AOPEP: variants seen among roughly 807,000 people sequenced by gnomAD.
AOPEP encodes the protein aminopeptidase O.
AOPEP carries 77 observed loss-of-function variants against 98.1 expected under a neutral mutation model. That is an observed-to-expected ratio of 0.78 (90% confidence interval 0.65 to 0.95). The LOEUF (loss-of-function observed/expected upper bound fraction) is 0.95. AOPEP is among the 40% of genes least tolerant of loss of function. The pLI is 0.00. For missense variants in AOPEP, 1,024 were observed against 1,024.7 expected, an observed-to-expected ratio of 1.00 and a Z score of 0.01; for synonymous variants, 346 against 365.3, an observed-to-expected ratio of 0.95 and a Z score of 0.60.
chr9:94,885,601 G>T (rs2897523), intron 5 of AOPEP, among the ~76,000 whole-genome samples: 1 of 151,762 alleles, frequency 6.6e-6, no homozygotes, highest in African/African-American at 2.4e-5. Context: ...GGGGAAGCTG[G>T]GACATGTAGC....
chr9:94,829,132 G>A (rs1456174296), intron 5 of AOPEP, among the ~76,000 whole-genome samples: 5 of 151,956 alleles, frequency 3.3e-5, no homozygotes, highest in African/African-American at 4.8e-5. Flanking sequence ...GCCTCCCAAA[G>A]TGCTGGAATT....
intron 7 of AOPEP, among the ~76,000 whole-genome samples, chr9:94,952,305 T>C (rs2058156972): frequency 6.6e-6 from 1 of 152,244 alleles, no homozygotes. Flanking sequence ...TACATTAAAG[T>C]GCACAAGTCT....
chr9:94,945,261 C>T (rs1215842698), intron 7 of AOPEP, among the ~76,000 whole-genome samples: 1 of 152,174 alleles, frequency 6.6e-6, no homozygotes, highest in Admixed American at 6.5e-5. Flanking sequence ...AGAATCCTGG[C>T]TAGTGTTCTG....
intron 11 of AOPEP, among the ~76,000 whole-genome samples, chr9:94,998,320 A>G (rs2061363298): frequency 6.6e-6 from 1 of 151,916 alleles, no homozygotes; most frequent in Admixed American, 6.6e-5. Context: ...CAGTTTTTCC[A>G]TCTTTCAGAT....
intron 1 of AOPEP, among the ~76,000 whole-genome samples, chr9:94,740,808 G>T (rs1832897869): frequency 6.6e-6 from 1 of 152,324 alleles, no homozygotes; most frequent in Middle Eastern, 3.4e-3. Context: ...AAGCAAGCTG[G>T]AAAATTCCTG....
chr9:94,758,017 A>G (rs776399890), intron 1 of AOPEP, among the ~76,000 whole-genome samples: 16 of 152,228 alleles, frequency 1.1e-4, no homozygotes, highest in East Asian at 5.8e-4. Context: ...AGTAAATTCA[A>G]ACTGTTCTTT....
chr9:94,989,312 G>T (rs192251265), intron 11 of AOPEP, among the ~76,000 whole-genome samples: 2 of 151,894 alleles, frequency 1.3e-5, no homozygotes, highest in African/African-American at 2.4e-5. Context: ...CTGTGTTAGC[G>T]AGGATGGTCT....
At chr9:95,013,217 A>AT (rs1044805735) in intron 13 of AOPEP, among the ~76,000 whole-genome samples, 12 of 152,052 alleles carry the variant, frequency 7.9e-5, no homozygotes, top group Admixed American at 5.9e-4. Flanking sequence ...TAGTTTTATG[A>AT]TTTTTTAAAA....
At chr9:94,993,769 A>G (rs2061046150) in intron 11 of AOPEP, among the ~76,000 whole-genome samples, 1 of 152,200 alleles carries the variant, frequency 6.6e-6, no homozygotes, top group Admixed American at 6.5e-5. Flanking sequence ...TATTTATGCC[A>G]GAAGACTTCA....
chr9:94,940,488 G>C (rs564109393), intron 7 of AOPEP, among the ~76,000 whole-genome samples: 33 of 152,176 alleles, frequency 2.2e-4, no homozygotes, highest in African/African-American at 7.7e-4. Context: ...TATAATCCTA[G>C]CTACTCAGAA....
In AOPEP at chr9:94,924,086, G is replaced by C; in HGVS notation, c.1465G>C (p.Ala489Pro). 1 of 1,521,034 alleles carries C rather than the reference G, an allele frequency of 6.6e-7. No individual in the cohort carries two copies. The highest frequency in any genetic ancestry group is 1.4e-5 in the African/African-American group (1 of 71,918). 94.2% of individuals were successfully genotyped at this position (1,521,034 alleles called of 1,614,324 possible). The change falls in exon 6 of 17, where the codon GCC (alanine) becomes CCC (proline). Residue 489 changes from alanine to proline, a missense_variant. By Grantham distance (27) the Ala-to-Pro change is conservative. This residue lies in a region of AOPEP where 566 missense variants were observed against 551.7 expected (regional missense o/e 1.03). Transcript: ENST00000375315. Reference protein sequence around the residue: ...HEIAHAWFGLAIGARDWTEEW... With the variant: ...HEIAHAWFGLPIGARDWTEEW... ...AATTGCCCATGCCTGGTTTGGCCTA[G>C]CCATCGGGGCCCGAGACTGGACGGA...
intron 7 of AOPEP, among the ~76,000 whole-genome samples, chr9:94,936,639 TG>T (rs2056315808): frequency 6.6e-6 from 1 of 152,184 alleles, no homozygotes. Context: ...GGACACCAGC[TG>T]GGTGTCCTCT....
At chr9:95,033,404 C>G (rs999689932) in intron 13 of AOPEP, among the ~76,000 whole-genome samples, 1 of 152,130 alleles carries the variant, frequency 6.6e-6, no homozygotes, top group Non-Finnish European at 1.5e-5. Context: ...TCTCCTCCCT[C>G]CCTGTTGTGT....
chr9:95,088,049 C>A (rs1455596540), downstream of AOPEP, among the ~76,000 whole-genome samples: 1 of 152,238 alleles, frequency 6.6e-6, no homozygotes, highest in Non-Finnish European at 1.5e-5. Context: ...GATTTGCTCT[C>A]TGCTGTCACA....
intron 1 of AOPEP, among the ~76,000 whole-genome samples, chr9:94,743,363 C>T (rs1833712196): frequency 6.6e-6 from 1 of 152,026 alleles, no homozygotes; most frequent in Admixed American, 6.5e-5. Flanking sequence ...AAAATAAGGC[C>T]TGAGGTTAAA....
intron 2 of AOPEP, among the ~76,000 whole-genome samples, chr9:94,771,295 C>T (rs1205104417): frequency 6.6e-6 from 1 of 152,108 alleles, no homozygotes; most frequent in Non-Finnish European, 1.5e-5. Context: ...CAATAGAAGT[C>T]ACTACCTGCT....
chr9:95,104,650 G>A, the AOPEP span, among the ~76,000 whole-genome samples: 1 of 152,162 alleles, frequency 6.6e-6, no homozygotes, highest in South Asian at 2.1e-4. Flanking sequence ...ATGGCATCAG[G>A]ATAACTGAAG....
At chr9:94,731,790 CTTTTTTTTTTTTTTT>C (rs564831468) in intron 1 of AOPEP, among the ~76,000 whole-genome samples, 119 of 86,294 alleles carry the variant, frequency 1.4e-3, no homozygotes, top group Non-Finnish European at 2.1e-3. Context: ...TCTCTTTTGC[CTTTTTTTTTTTTTTT>C]TTTTTTTTGA....
the AOPEP span, chr9:95,101,853 G>GCAAT: frequency 6.2e-7 from 1 of 1,613,912 alleles, no homozygotes; most frequent in Non-Finnish European, 8.5e-7. Flanking sequence ...TGAGCCATCT[G>GCAAT]CAATCAGGAC....
Sources: allele counts gnomAD v4.1 joint callset (sites outside exome capture counted in the v4.1 genomes callset), GRCh38; gene constraint gnomAD v4.1.1; regional missense constraint gnomAD v4.1.1; transcripts MANE v1.5; gene names NCBI Gene and HGNC (gene_info 2026-07-23, HGNC 2026-07-21).